Variants in ENTREP2 observed in about 807,000 individuals in gnomAD.
ENTREP2 encodes endosomal transmembrane epsin interactor 2, also known as protein ENTREP2.
At chr15:29,453,020 A>C in the ENTREP2 span, among the ~76,000 whole-genome samples, 2 of 152,174 alleles carry the variant, frequency 1.3e-5, no homozygotes, top group East Asian at 3.9e-4. Context: ...CAAACATGAA[A>C]GGAAATGCCT....
the ENTREP2 span, among the ~76,000 whole-genome samples, chr15:29,462,120 G>A: frequency 1.2e-4 from 18 of 152,278 alleles, no homozygotes; most frequent in African/African-American, 4.1e-4. Flanking sequence ...CATGACAGGT[G>A]TAAACCACAT....
At chr15:29,126,179 G>A in the ENTREP2 span, 1 of 1,068,556 alleles carries the variant, frequency 9.4e-7, no homozygotes, top group Non-Finnish European at 1.3e-6. Flanking sequence ...GCAGGGCCGG[G>A]CCTCCACTCT....
At chr15:29,529,493 C>T in the ENTREP2 span, among the ~76,000 whole-genome samples, 1 of 151,724 alleles carries the variant, frequency 6.6e-6, no homozygotes, top group African/African-American at 2.4e-5. Context: ...GGCTGGTGGA[C>T]CGTGGCCTAG....
the ENTREP2 span, among the ~76,000 whole-genome samples, chr15:29,210,086 C>T: frequency 6.6e-6 from 1 of 152,136 alleles, no homozygotes; most frequent in East Asian, 1.9e-4. Flanking sequence ...CTAATTCCTT[C>T]AGATAATAAG....
At chr15:29,545,116 G>A in the ENTREP2 span, among the ~76,000 whole-genome samples, 89 of 152,300 alleles carry the variant, frequency 5.8e-4, no homozygotes, top group African/African-American at 2.0e-3. Flanking sequence ...TAAAATGTTC[G>A]AAGTCAGGAC....
chr15:29,492,371 C>T, the ENTREP2 span, among the ~76,000 whole-genome samples: 1 of 152,188 alleles, frequency 6.6e-6, no homozygotes, highest in African/African-American at 2.4e-5. Flanking sequence ...GTGGGAAACA[C>T]CTTGGTCTAA....
At chr15:29,389,432 C>T in the ENTREP2 span, among the ~76,000 whole-genome samples, 2 of 151,088 alleles carry the variant, frequency 1.3e-5, no homozygotes, top group Non-Finnish European at 3.0e-5. Flanking sequence ...CCTCCCCAAT[C>T]CTGGAAACAC....
chr15:29,142,783 C>T, the ENTREP2 span, among the ~76,000 whole-genome samples: 135 of 152,184 alleles, frequency 8.9e-4, no homozygotes, highest in African/African-American at 3.1e-3. Flanking sequence ...AGATGATATT[C>T]CTGAGGCTGC....
the ENTREP2 span, among the ~76,000 whole-genome samples, chr15:29,477,623 G>A: frequency 1.3e-5 from 2 of 152,142 alleles, no homozygotes; most frequent in South Asian, 2.1e-4. Context: ...CTCCAGACCT[G>A]TGCCTGCAAG....
the ENTREP2 span, chr15:29,123,380 C>T: frequency 1.3e-6 from 2 of 1,545,456 alleles, no homozygotes; most frequent in South Asian, 1.2e-5. Context: ...ACGGCCTCCT[C>T]CTCGAGGCGC....
chr15:29,210,369 G>T, the ENTREP2 span, among the ~76,000 whole-genome samples: 1 of 152,184 alleles, frequency 6.6e-6, no homozygotes, highest in Non-Finnish European at 1.5e-5. Flanking sequence ...CTAGATCAGG[G>T]GTCCCCAAGC....
At chr15:29,159,451 G>A in the ENTREP2 span, among the ~76,000 whole-genome samples, 23 of 152,288 alleles carry the variant, frequency 1.5e-4, no homozygotes, top group African/African-American at 4.8e-4. Flanking sequence ...GGGCCGGGTT[G>A]CTACTGCTAG....
At chr15:29,625,179 T>G in the ENTREP2 span, among the ~76,000 whole-genome samples, 913 of 152,352 alleles carry the variant, frequency 6.0e-3, 9 homozygotes, top group African/African-American at 0.021. Flanking sequence ...ATGCCCTTAA[T>G]ATCCATCCAA....
chr15:29,664,237 G>A, the ENTREP2 span, among the ~76,000 whole-genome samples: 53 of 152,268 alleles, frequency 3.5e-4, no homozygotes, highest in African/African-American at 1.2e-3. Flanking sequence ...CTGTGTTGAT[G>A]TGCATGTGGT....
At chr15:29,366,271 C>T in the ENTREP2 span, among the ~76,000 whole-genome samples, 2 of 152,136 alleles carry the variant, frequency 1.3e-5, no homozygotes, top group African/African-American at 4.8e-5. Flanking sequence ...GACAGGGTTT[C>T]ACCATATTGG....
At chr15:29,458,202 G>A in the ENTREP2 span, among the ~76,000 whole-genome samples, 2 of 152,222 alleles carry the variant, frequency 1.3e-5, no homozygotes, top group East Asian at 3.9e-4. Context: ...TCCGAAGGCA[G>A]GAGAAAATGA....
chr15:29,514,892 CA>C, the ENTREP2 span, among the ~76,000 whole-genome samples: 13 of 152,302 alleles, frequency 8.5e-5, no homozygotes, highest in South Asian at 2.7e-3. Context: ...TCAGTTCCCC[CA>C]AAAGACAGCC....
chr15:29,171,550 G>A, the ENTREP2 span, among the ~76,000 whole-genome samples: 1 of 151,998 alleles, frequency 6.6e-6, no homozygotes, highest in Non-Finnish European at 1.5e-5. Flanking sequence ...CCCAAGTAAG[G>A]TATTTTTTTT....
At chr15:29,127,076 G>A in the ENTREP2 span, among the ~76,000 whole-genome samples, 2 of 152,304 alleles carry the variant, frequency 1.3e-5, no homozygotes, top group Non-Finnish European at 2.9e-5. Flanking sequence ...AGACTCTGGC[G>A]CTGGGCCCAG....
Sources: gnomAD v4.1 joint callset for allele counts (sites outside exome capture counted in the v4.1 genomes callset) on GRCh38, gnomAD v4.1.1 for gene constraint, MANE v1.5 for transcripts, NCBI Gene and HGNC (gene_info 2026-07-23, HGNC 2026-07-21) for gene names.